The following NDC1 variants were observed in gnomAD, a reference collection of about 807,000 sequenced individuals.
The protein encoded by NDC1 is nucleoporin NDC1.
NDC1 carries 24 observed loss-of-function variants against 89.8 expected under a neutral mutation model. The observed-to-expected ratio is 0.27, with a 90% confidence interval of 0.19 to 0.38. The LOEUF (loss-of-function observed/expected upper bound fraction) is 0.38, where lower values mean the gene tolerates loss of function less well. Ranked by LOEUF, NDC1 falls within the 10% of genes least tolerant of loss-of-function variation. The pLI is 1.00. For synonymous variants in NDC1, 296 were observed against 284.8 expected (o/e 1.04, Z -0.39); for missense variants, 728 against 797.6 (o/e 0.91, Z 1.05).
chr1:53,819,749 C>A (rs1025024643), intron 5 of NDC1, among the ~76,000 whole-genome samples: 8 of 152,140 alleles, frequency 5.3e-5, no homozygotes, highest in African/African-American at 1.9e-4. Context: ...TTCTGTACAA[C>A]CCTCAGTAAG....
chr1:53,772,525 T>C (rs548336551), intron 16 of NDC1, 36 bp from the exon 17 acceptor site: 4 of 1,599,626 alleles, frequency 2.5e-6, no homozygotes, highest in Non-Finnish European at 3.4e-6. Context: ...GTTTAGATTA[T>C]AAAGAAAGCC....
At position 53,828,002 on chromosome 1, in the gene NDC1, T is replaced by C; in HGVS notation, c.452A>G (p.Asn151Ser). The part of the protein sequence containing the change: ...SFLVVPCTGT[N>S]SFGSPAAQTC... The stretch of plus-strand genomic sequence containing the variant: ...GGAAATATATATTTAATATTACCTG[T>C]TAGTACCAGTGCAGGGAACCACAAG... Residue 151 changes from asparagine (N) to serine (S), a missense_variant, in exon 4 of 18, where the codon AAC becomes AGC. By Grantham distance (46) the Asn-to-Ser change is conservative. Transcript: ENST00000371429. 6.2e-7 allele frequency: 1 copy of C among 1,605,544 alleles called. No individual in the cohort carries two copies. The highest frequency in any genetic ancestry group is 8.5e-7 in the Non-Finnish European group (1 of 1,175,136).
At chr1:53,809,247 T>G (rs1648217682) in intron 7 of NDC1, among the ~76,000 whole-genome samples, 1 of 152,250 alleles carries the variant, frequency 6.6e-6, no homozygotes, top group African/African-American at 2.4e-5. Context: ...AAGCCACTTT[T>G]GTATAGTATA....
At chr1:53,818,179 G>A (rs1648542257) in intron 6 of NDC1, among the ~76,000 whole-genome samples, 2 of 152,140 alleles carry the variant, frequency 1.3e-5, no homozygotes, top group Non-Finnish European at 2.9e-5. Flanking sequence ...GCTCATGCCT[G>A]TAATCCTAGC....
intron 5 of NDC1, among the ~76,000 whole-genome samples, chr1:53,824,886 C>T (rs182895188): frequency 3.9e-5 from 6 of 152,246 alleles, no homozygotes; most frequent in African/African-American, 1.4e-4. Flanking sequence ...CAAAAAGAAG[C>T]CAGCAGGCCA....
chr1:53,815,475 G>T (rs1306978392), intron 6 of NDC1, among the ~76,000 whole-genome samples: 1 of 152,194 alleles, frequency 6.6e-6, no homozygotes, highest in Non-Finnish European at 1.5e-5. Flanking sequence ...AGCCATCTAT[G>T]AGAAAGCCAC....
At chr1:53,826,539 T>C (rs1171036191) in intron 4 of NDC1, among the ~76,000 whole-genome samples, 1 of 152,248 alleles carries the variant, frequency 6.6e-6, no homozygotes, top group African/African-American at 2.4e-5. Flanking sequence ...GAACTCCTGA[T>C]GCTTCCCAAA....
chr1:53,792,189 G>A (rs1025414501), intron 14 of NDC1, among the ~76,000 whole-genome samples: 7 of 152,028 alleles, frequency 4.6e-5, no homozygotes, highest in Non-Finnish European at 7.4e-5. Flanking sequence ...TGATCCGCCC[G>A]CCTTGGCCTC....
chr1:53,821,040 C>T (rs1371891006), intron 5 of NDC1, among the ~76,000 whole-genome samples: 1 of 151,882 alleles, frequency 6.6e-6, no homozygotes, highest in Non-Finnish European at 1.5e-5. Flanking sequence ...ACGACTGATT[C>T]TTCCTTAAGG....
chr1:53,768,185 C>G lies in NDC1; in HGVS notation c.1962-152G>C, dbSNP rs561074773. On this transcript the variant is annotated intron_variant, in intron 17 of 17. Coordinates refer to ENST00000371429, the MANE Select transcript of NDC1 (RefSeq NM_018087.5). The stretch of plus-strand genomic sequence containing the variant: ...TTTCTGAAAAAGCTGGATGAAAACT[C>G]TTTTTAATCTAATGAAGAGGAGGGC... 1.1e-3 allele frequency: 589 copies of G among 528,666 alleles called. 3 individuals carry two copies. The highest frequency in any genetic ancestry group is 1.6e-3 in the Non-Finnish European group (483 of 307,674). 32.7% of individuals were successfully genotyped at this position (528,666 alleles called of 1,614,324 possible). A position where few individuals can be genotyped will look rare whatever the true frequency, so the allele number is the denominator to read the frequency against.
chr1:53,830,729 G>A (rs756426186), intron 3 of NDC1, among the ~76,000 whole-genome samples: 4 of 151,408 alleles, frequency 2.6e-5, no homozygotes, highest in Non-Finnish European at 4.4e-5. Context: ...AGGTGTGGTG[G>A]TGCCTGCCTG....
chr1:53,780,615 C>T (rs79472514), intron 16 of NDC1, among the ~76,000 whole-genome samples: 2,709 of 152,008 alleles, frequency 0.018, 45 homozygotes, highest in Non-Finnish European at 0.027. Flanking sequence ...CTTCAAGTGA[C>T]GAGGCAAAAA....
chr1:53,772,470 T>G lies in NDC1; in HGVS notation c.1820A>C (p.Lys607Thr). Residue 607 changes from lysine (K) to threonine (T), a missense_variant, in exon 17 of 18, where the codon AAG becomes ACG. Physicochemically the swap from Lys to Thr is moderately conservative, Grantham distance 78. Transcript: ENST00000371429. Reference protein sequence around the residue: ...TLQEAVDKYFKLPHASSKPPR... With the variant: ...TLQEAVDKYFTLPHASSKPPR... ...TGGTTTACTGGAAGCATGAGGAAGC[T>G]TAAAGTACTTGTCGACTGCCTACAC... The G allele has an allele frequency of 1.9e-6, 3 of 1,613,222 alleles. No homozygotes were observed. Among genetic ancestry groups the G allele is most frequent in the Non-Finnish European group, 1.7e-6 (2 of 1,179,446 alleles).
chr1:53,799,044 C>T (rs1647821962), intron 11 of NDC1, among the ~76,000 whole-genome samples: 1 of 152,128 alleles, frequency 6.6e-6, no homozygotes, highest in African/African-American at 2.4e-5. Context: ...TCATGATCTA[C>T]CCAACCCAGA....
intron 15 of NDC1, among the ~76,000 whole-genome samples, chr1:53,788,452 G>A (rs566425396): frequency 2.1e-4 from 32 of 151,882 alleles, no homozygotes; most frequent in African/African-American, 7.2e-4. Context: ...TTGAGATGGA[G>A]TTGCGCTATT....
At chr1:53,787,825 A>T (rs1026298947) in intron 15 of NDC1, among the ~76,000 whole-genome samples, 3 of 150,354 alleles carry the variant, frequency 2.0e-5, no homozygotes, top group Non-Finnish European at 3.0e-5. Context: ...AGAAAATTTT[A>T]AAAATAATAT....
chr1:53,824,590 G>C (rs545628871), intron 5 of NDC1, among the ~76,000 whole-genome samples: 4 of 152,278 alleles, frequency 2.6e-5, no homozygotes, highest in South Asian at 2.1e-4. Context: ...AGAATTGTGC[G>C]AATGAGGAGC....
chr1:53,791,390 C>T (rs1446574082), intron 14 of NDC1, among the ~76,000 whole-genome samples: 1 of 150,144 alleles, frequency 6.7e-6, no homozygotes, highest in Non-Finnish European at 1.5e-5. Flanking sequence ...GAGCCCAGAT[C>T]GCGCCACCGC....
intron 2 of NDC1, 39 bp from the exon 3 acceptor site, chr1:53,832,630 G>C: frequency 1.9e-6 from 2 of 1,031,360 alleles, no homozygotes; most frequent in Non-Finnish European, 3.0e-6. Flanking sequence ...AGGTTATTCA[G>C]TCATGTAGTC....
Sources: gnomAD v4.1 joint callset for allele counts (sites outside exome capture counted in the v4.1 genomes callset) on GRCh38, gnomAD v4.1.1 for gene constraint, MANE v1.5 for transcripts, NCBI Gene and HGNC (gene_info 2026-07-23, HGNC 2026-07-21) for gene names.